The following CAST variants were observed in gnomAD, a reference collection of about 807,000 sequenced individuals.
CAST encodes the protein MIR583 host.
A neutral mutation model predicts 119.6 loss-of-function variants in CAST; 76 were observed. The ratio of observed to expected loss-of-function variants is 0.64; its 90% CI spans 0.53 to 0.77. CAST has a LOEUF of 0.77. Ranked by LOEUF, CAST falls within the 30% of genes least tolerant of loss-of-function variation. CAST has a pLI of 0.00. For missense variants in CAST, 953 were observed against 946.5 expected, an observed-to-expected ratio of 1.01 and a Z score of -0.09; for synonymous variants, 319 against 331.6, an observed-to-expected ratio of 0.96 and a Z score of 0.41.
rs190825762 is a variant in CAST, at chr5:96,559,658, G to A, written c.60+29778G>A. Among the ~76,000 whole-genome samples, 679 of 152,196 alleles carry A rather than the reference G, an allele frequency of 4.5e-3. 2 individuals carry two copies. Among genetic ancestry groups the A allele is most frequent in the Non-Finnish European group, 7.2e-3 (493 of 68,004 alleles). On this transcript the variant is annotated intron_variant, in intron 1 of 11. Coordinates refer to the CAST transcript ENST00000505143. ...AATCCAACTTACAAGGGACGTAAAG[G>A]ACCCCTTCAAGGAGAACTACAAACC...
At chr5:96,662,661 G>A (rs1194421305) in intron 1 of CAST, among the ~76,000 whole-genome samples, 164 bp downstream of exon 1, 1 of 152,216 alleles carries the variant, frequency 6.6e-6, no homozygotes, top group Non-Finnish European at 1.5e-5. Context: ...CAGGCAGGTG[G>A]CTGCAGGTGG....
the CAST span, among the ~76,000 whole-genome samples, chr5:96,246,379 G>A: frequency 2.6e-5 from 4 of 151,928 alleles, no homozygotes; most frequent in African/African-American, 7.3e-5. Flanking sequence ...TAGAGACGGG[G>A]TTTCACTGTG....
chr5:96,672,564 G>C (rs962875388), intron 1 of CAST, among the ~76,000 whole-genome samples: 1 of 151,862 alleles, frequency 6.6e-6, no homozygotes, highest in Non-Finnish European at 1.5e-5. Flanking sequence ...AAAATTAATC[G>C]GATGTGGTGG....
the CAST span, among the ~76,000 whole-genome samples, chr5:96,459,845 A>G: frequency 6.6e-6 from 1 of 152,178 alleles, no homozygotes; most frequent in Admixed American, 6.5e-5. Context: ...CTCTGAAATC[A>G]GTTCTGAGTG....
chr5:96,480,402 C>G, the CAST span, among the ~76,000 whole-genome samples: 2 of 152,146 alleles, frequency 1.3e-5, no homozygotes, highest in South Asian at 2.1e-4. Context: ...TTGGGAAAGA[C>G]AGGATGTACT....
chr5:96,230,580 G>A, the CAST span, among the ~76,000 whole-genome samples: 1 of 152,036 alleles, frequency 6.6e-6, no homozygotes, highest in Non-Finnish European at 1.5e-5. Context: ...TATGATCTTT[G>A]GGTTAGGCAA....
chr5:96,627,024 G>A (rs1747736244), intron 1 of CAST, among the ~76,000 whole-genome samples: 1 of 152,174 alleles, frequency 6.6e-6, no homozygotes, highest in Non-Finnish European at 1.5e-5. Context: ...TCATTCTAAA[G>A]TCAGCTCACA....
intron 25 of CAST, 90 bp from the exon 26 acceptor site, chr5:96,765,131 T>A (rs1324316131): frequency 1.6e-5 from 12 of 752,814 alleles, no homozygotes; most frequent in Non-Finnish European, 1.6e-5. Flanking sequence ...GGAAACAGGT[T>A]CCCTCCTGAA....
chr5:96,230,467 G>C, the CAST span, among the ~76,000 whole-genome samples: 1 of 152,036 alleles, frequency 6.6e-6, no homozygotes, highest in South Asian at 2.1e-4. Context: ...CCCCTTGATA[G>C]CTCTCTGATT....
chr5:96,256,329 G>A, the CAST span, among the ~76,000 whole-genome samples: 76 of 144,434 alleles, frequency 5.3e-4, no homozygotes, highest in Middle Eastern at 3.7e-3. Flanking sequence ...ATAAATATAC[G>A]GTATATAAAT....
chr5:96,231,887 G>C, the CAST span, among the ~76,000 whole-genome samples: 4 of 152,020 alleles, frequency 2.6e-5, no homozygotes, highest in Admixed American at 2.6e-4. Flanking sequence ...GAGATTACCG[G>C]TAGGTTTTGG....
the CAST span, among the ~76,000 whole-genome samples, chr5:96,293,289 T>G: frequency 6.6e-6 from 1 of 152,204 alleles, no homozygotes; most frequent in Non-Finnish European, 1.5e-5. Flanking sequence ...GTTTGTTTGT[T>G]TGTTTTGAGA....
the CAST span, among the ~76,000 whole-genome samples, chr5:96,519,863 T>A: frequency 6.6e-6 from 1 of 152,224 alleles, no homozygotes. Flanking sequence ...CACCTTGGCC[T>A]TCCAAAGTAC....
chr5:96,386,160 T>C, the CAST span, among the ~76,000 whole-genome samples: 1 of 152,258 alleles, frequency 6.6e-6, no homozygotes. Flanking sequence ...ATTATTGGCA[T>C]CTCAATGCTT....
chr5:96,309,755 G>A, the CAST span, among the ~76,000 whole-genome samples: 1 of 152,198 alleles, frequency 6.6e-6, no homozygotes, highest in East Asian at 1.9e-4. Flanking sequence ...GCCCCACCCT[G>A]CTTCAGCTCA....
At chr5:96,273,762 A>T in the CAST span, among the ~76,000 whole-genome samples, 1 of 152,180 alleles carries the variant, frequency 6.6e-6, no homozygotes, top group Non-Finnish European at 1.5e-5. Flanking sequence ...CATTTACTGG[A>T]CAAGAGTAAA....
At chr5:96,662,227 G>A (rs1748601878), upstream of CAST, 2 of 575,362 alleles carry the variant, frequency 3.5e-6, no homozygotes, top group Non-Finnish European at 2.7e-6. Flanking sequence ...TCCGCGGGCA[G>A]GAAGGGGAGG....
chr5:96,430,107 G>A, the CAST span, among the ~76,000 whole-genome samples: 8 of 152,106 alleles, frequency 5.3e-5, no homozygotes, highest in East Asian at 1.9e-4. Context: ...ATTAGTGATC[G>A]TTTGATTTTC....
chr5:96,692,639 C>T (rs945823926), intron 2 of CAST, among the ~76,000 whole-genome samples: 9 of 152,104 alleles, frequency 5.9e-5, no homozygotes, highest in Admixed American at 3.9e-4. Context: ...CATATATACA[C>T]GATTGGTTTC....
Sources: gnomAD v4.1 joint callset for allele counts (sites outside exome capture counted in the v4.1 genomes callset) on GRCh38, gnomAD v4.1.1 for gene constraint, MANE v1.5 for transcripts, NCBI Gene and HGNC (gene_info 2026-07-23, HGNC 2026-07-21) for gene names.